The following KCND2 variants were observed in gnomAD, a reference collection of about 807,000 sequenced individuals.
KCND2 encodes potassium voltage-gated channel subfamily D member 2.
A neutral mutation model predicts 54.4 loss-of-function variants in KCND2; 16 were observed. The ratio of observed to expected loss-of-function variants is 0.29; its 90% CI spans 0.20 to 0.45. The LOEUF is 0.45. KCND2 is among the 20% of genes least tolerant of loss of function. The pLI is 1.00. For missense variants in KCND2, 486 were observed against 824.2 expected (o/e 0.59, Z 5.02); for synonymous variants, 317 against 310.7 (o/e 1.02, Z -0.21).
At chr7:120,361,688 G>A (rs536360314) in intron 1 of KCND2, among the ~76,000 whole-genome samples, 1 of 152,110 alleles carries the variant, frequency 6.6e-6, no homozygotes, top group African/African-American at 2.4e-5. Flanking sequence ...AAGGCAGAGT[G>A]TTTAAATGTA....
chr7:120,377,381 A>T (rs1293958078), intron 1 of KCND2, among the ~76,000 whole-genome samples: 1 of 151,934 alleles, frequency 6.6e-6, no homozygotes, highest in East Asian at 1.9e-4. Context: ...AAGTTTTGAC[A>T]ACCAGAAAGA....
chr7:120,740,813 C>T (rs1792930374), intron 2 of KCND2: 1 of 453,936 alleles, frequency 2.2e-6, no homozygotes, highest in Non-Finnish European at 4.4e-6. Flanking sequence ...TTCATTTCAG[C>T]CAGTTCAAGA....
At chr7:120,506,296 G>A (rs889759906) in intron 1 of KCND2, among the ~76,000 whole-genome samples, 2 of 151,762 alleles carry the variant, frequency 1.3e-5, no homozygotes, top group African/African-American at 4.8e-5. Flanking sequence ...TCCTTAAGCA[G>A]CATATAGCCA....
intron 1 of KCND2, among the ~76,000 whole-genome samples, chr7:120,708,022 A>C (rs920596226): frequency 2.0e-5 from 3 of 152,134 alleles, no homozygotes; most frequent in Admixed American, 1.3e-4. Context: ...AAAAAGCTTC[A>C]TTAAGCAAGA....
chr7:120,491,848 C>T (rs1303240461), intron 1 of KCND2, among the ~76,000 whole-genome samples: 3 of 149,158 alleles, frequency 2.0e-5, no homozygotes, highest in African/African-American at 7.7e-5. Context: ...TAATTACCAT[C>T]TAGCAATTGT....
chr7:120,460,170 A>G (rs1292415378), intron 1 of KCND2, among the ~76,000 whole-genome samples: 1 of 152,150 alleles, frequency 6.6e-6, no homozygotes, highest in African/African-American at 2.4e-5. Context: ...ATCTCGGGGT[A>G]GACTTGGTTG....
At chr7:120,590,444 T>C (rs758414881) in intron 1 of KCND2, among the ~76,000 whole-genome samples, 1 of 152,168 alleles carries the variant, frequency 6.6e-6, no homozygotes, top group Non-Finnish European at 1.5e-5. Context: ...CAAAGTCTGA[T>C]TGTGGCAAAT....
At chr7:120,393,067 A>G (rs1801101318) in intron 1 of KCND2, among the ~76,000 whole-genome samples, 1 of 152,038 alleles carries the variant, frequency 6.6e-6, no homozygotes, top group African/African-American at 2.4e-5. Flanking sequence ...ATAAAATTTG[A>G]TAGCCTCACT....
intron 1 of KCND2, among the ~76,000 whole-genome samples, chr7:120,566,888 A>G (rs1389663249): frequency 6.6e-6 from 1 of 152,084 alleles, no homozygotes; most frequent in Admixed American, 6.6e-5. Flanking sequence ...AAATATATTT[A>G]CGTTTATACC....
intron 1 of KCND2, among the ~76,000 whole-genome samples, chr7:120,674,243 C>T (rs1461711189): frequency 1.3e-5 from 2 of 152,074 alleles, no homozygotes; most frequent in East Asian, 1.9e-4. Flanking sequence ...AAAGTAAACA[C>T]AGATGACATT....
At chr7:120,681,749 T>TG (rs1562908021) in intron 1 of KCND2, among the ~76,000 whole-genome samples, 1 of 152,084 alleles carries the variant, frequency 6.6e-6, no homozygotes, top group Non-Finnish European at 1.5e-5. Context: ...CAGAATACTA[T>TG]GAAAAAAACA....
intron 1 of KCND2, among the ~76,000 whole-genome samples, chr7:120,532,751 C>T (rs1449780871): frequency 1.3e-5 from 2 of 151,262 alleles, no homozygotes; most frequent in African/African-American, 4.9e-5. Context: ...ATAAAATACC[C>T]AATTAAAAAA....
At chr7:120,728,238 GAT>G (rs1792760374) in intron 1 of KCND2, among the ~76,000 whole-genome samples, 1 of 150,020 alleles carries the variant, frequency 6.7e-6, no homozygotes, top group Admixed American at 6.6e-5. Context: ...TAAAATATTT[GAT>G]AGTTATTCTC....
intron 1 of KCND2, among the ~76,000 whole-genome samples, chr7:120,435,250 G>A (rs912780283): frequency 6.6e-6 from 1 of 150,700 alleles, no homozygotes; most frequent in Non-Finnish European, 1.5e-5. Flanking sequence ...GGGATTGTAG[G>A]CGTGCACCAC....
intron 1 of KCND2, among the ~76,000 whole-genome samples, chr7:120,337,741 A>G (rs920833425): frequency 1.3e-5 from 2 of 152,236 alleles, no homozygotes; most frequent in Non-Finnish European, 2.9e-5. Flanking sequence ...AGGAAGAAAG[A>G]TAATAACTGA....
chr7:120,374,670 C>CTTTGCCTTT (rs1800812161), intron 1 of KCND2, among the ~76,000 whole-genome samples: 1 of 151,758 alleles, frequency 6.6e-6, no homozygotes, highest in East Asian at 1.9e-4. Context: ...CAATTCAAGT[C>CTTTGCCTTT]CTTCTTCATG....
At chr7:120,503,735 A>G (rs1470095624) in intron 1 of KCND2, among the ~76,000 whole-genome samples, 1 of 151,956 alleles carries the variant, frequency 6.6e-6, no homozygotes, top group Non-Finnish European at 1.5e-5. Context: ...AAGATTCTAG[A>G]TGTTCATACA....
At chr7:120,653,291 C>G (rs949466263) in intron 1 of KCND2, among the ~76,000 whole-genome samples, 4 of 151,714 alleles carry the variant, frequency 2.6e-5, no homozygotes, top group African/African-American at 7.3e-5. Flanking sequence ...AGTGATCCAC[C>G]CTTCTCGGCC....
intron 1 of KCND2, among the ~76,000 whole-genome samples, chr7:120,479,897 G>A (rs1208742955): frequency 1.3e-5 from 2 of 148,332 alleles, no homozygotes; most frequent in Non-Finnish European, 3.0e-5. Context: ...AACCTAGGAG[G>A]CCGAGGCTGC....
Sources: allele counts gnomAD v4.1 joint callset (sites outside exome capture counted in the v4.1 genomes callset), GRCh38; gene constraint gnomAD v4.1.1; transcripts MANE v1.5; gene names NCBI Gene and HGNC (gene_info 2026-07-23, HGNC 2026-07-21).